The following RBL1 variants were observed in gnomAD, a reference collection of about 807,000 sequenced individuals.
RBL1 encodes the protein RB transcriptional corepressor like 1, also known as retinoblastoma-like protein 1.
Under a neutral mutation model 123.0 loss-of-function variants are expected in RBL1, and 82 were observed. The ratio of observed to expected loss-of-function variants is 0.67; its 90% confidence interval spans 0.56 to 0.80. The LOEUF (loss-of-function observed/expected upper bound fraction) is 0.80. Ranked by LOEUF, RBL1 falls within the 30% of genes least tolerant of loss-of-function variation. RBL1 has a pLI of 0.00. For synonymous variants in RBL1, 405 were observed against 441.3 expected, an observed-to-expected ratio of 0.92 and a Z score of 1.03; for missense variants, 1,171 against 1,299.6, an observed-to-expected ratio of 0.90 and a Z score of 1.52.
At chr20:37,078,182 C>T (rs1039737891) in intron 2 of RBL1, among the ~76,000 whole-genome samples, 3 of 152,128 alleles carry the variant, frequency 2.0e-5, no homozygotes, top group Admixed American at 6.6e-5. Context: ...ATCCATTAGT[C>T]CCATTACTGA....
intron 11 of RBL1, among the ~76,000 whole-genome samples, chr20:37,053,577 T>C (rs1198579425): frequency 6.6e-6 from 1 of 152,208 alleles, no homozygotes; most frequent in Non-Finnish European, 1.5e-5. Flanking sequence ...TTTATTACTT[T>C]CTCTTATTTA....
chr20:37,055,067 C>T (rs7348492), intron 11 of RBL1, among the ~76,000 whole-genome samples: 2 of 151,898 alleles, frequency 1.3e-5, no homozygotes, highest in Admixed American at 1.3e-4. Context: ...AGAGTGACTG[C>T]AGAGGGAAAT....
chr20:37,036,475 G>A (rs1056583327), intron 14 of RBL1, among the ~76,000 whole-genome samples: 4 of 151,370 alleles, frequency 2.6e-5, no homozygotes, highest in African/African-American at 9.7e-5. Flanking sequence ...ACAGGGTTTT[G>A]CCATGTTGGC....
rs75547039 is a variant in RBL1 at position 37,068,640 on chromosome 20, G to C, written c.291-454C>G. Among the ~76,000 whole-genome samples, 486 of 152,194 alleles carry C rather than the reference G, an allele frequency of 3.2e-3. 6 individuals carry two copies. Among genetic ancestry groups the C allele is most frequent in the African/African-American group, 0.011 (473 of 41,520 alleles). On this transcript the variant is annotated intron_variant, in intron 2 of 21. Transcript: ENST00000373664. ...TAGAGTTTACTGCTATGGAGGGAGCGAGAGCACCTATCTACTTCCTTTATT... is the reference window on the plus strand; with the variant it reads ...TAGAGTTTACTGCTATGGAGGGAGCCAGAGCACCTATCTACTTCCTTTATT...
At chr20:37,026,754 C>T (rs553091097) in intron 16 of RBL1, among the ~76,000 whole-genome samples, 5 of 149,634 alleles carry the variant, frequency 3.3e-5, no homozygotes, top group South Asian at 2.1e-4. Context: ...ACCTGTAATA[C>T]TAGTACTTTG....
intron 11 of RBL1, among the ~76,000 whole-genome samples, chr20:37,048,246 T>A (rs868775452): frequency 6.6e-6 from 1 of 152,102 alleles, no homozygotes; most frequent in Non-Finnish European, 1.5e-5. Context: ...GGGTGAAGCA[T>A]TGGGTGGGTG....
Position 36,998,809 on chromosome 20 carries a change from C to T in RBL1, c.3157G>A (p.Val1053Ile), listed in dbSNP as rs142591640. The T allele has an allele frequency of 9.4e-5, 152 of 1,613,384 alleles. No homozygotes were observed. The highest frequency in any genetic ancestry group is 1.3e-4 in the Non-Finnish European group (149 of 1,179,640). ...ACATCCTGTAGTCGTTTCAGTAAAA[C>T]GTCATCATTTTCTTGACAGACGCGT... ...AKRVCQENDD[V>I]LLKRLQDVVS... Residue 1053 changes from valine (V) to isoleucine (I), a missense_variant, in exon 22 of 22, where the codon GTT (valine) becomes ATT (isoleucine). Val to Ile is a conservative substitution (Grantham distance 29). Coordinates refer to ENST00000373664, the MANE Select transcript of RBL1 (RefSeq NM_002895.5).
In RBL1 at chr20:36,997,445, T is replaced by C. The variant is rs1299997533; in HGVS notation, c.*1314A>G. 1 of 152,100 alleles carries C rather than the reference T, an allele frequency of 6.6e-6. No homozygotes were observed. Among genetic ancestry groups the C allele is most frequent in the African/African-American group, 2.4e-5 (1 of 41,434 alleles). The allele number at this position is 152,100 out of a possible 1,614,324, so 9.4% of individuals were successfully genotyped here. A position where few individuals can be genotyped will look rare whatever the true frequency, so the allele number is the denominator to read the frequency against. ...CAGGAAACTCATGATGCACTAACAA[T>C]ACTGAGAACAAAGTGTGGGAAGTAA... On this transcript the variant is annotated 3_prime_UTR_variant, in exon 22 of 22. Coordinates refer to ENST00000373664, the MANE Select transcript of RBL1 (RefSeq NM_002895.5).
Position 37,056,258 on chromosome 20 carries a change from T to C in RBL1, c.1251A>G (p.Glu417=), listed in dbSNP as rs1264322778. 1.3e-6 allele frequency: 2 copies of C among 1,571,174 alleles called. No homozygotes were observed. The highest frequency in any genetic ancestry group is 1.4e-5 in the African/African-American group (1 of 72,910). Residue 417 remains glutamate, a splice_region_variant and synonymous_variant, in exon 10 of 22, where the codon GAA becomes GAG. Coordinates refer to ENST00000373664, the MANE Select transcript of RBL1 (RefSeq NM_002895.5). The part of the protein sequence containing the change: ...APSDQLINIF[E]SCVRNPVENI... ...TTTCCACAGGATTACGCACACAAGA[T>C]CTACAAAATACAAGAGGAACCAATT...
chr20:37,059,593 T>G (rs961318947), intron 9 of RBL1, among the ~76,000 whole-genome samples: 3 of 152,180 alleles, frequency 2.0e-5, no homozygotes, highest in Non-Finnish European at 4.4e-5. Context: ...ATCTGAAGTA[T>G]TGATGAGAAT....
At position 37,013,253 on chromosome 20, in the gene RBL1, A is replaced by C. The variant is rs530538330; in HGVS notation, c.2722+5026T>G. On this transcript the variant is annotated intron_variant, in intron 19 of 21. Transcript: ENST00000373664. ...ATTTTGTTCTGTACTAAGAAAAATT[A>C]TTCTGCCTTGGGATCCTGTTGATCT... 3.2e-3 allele frequency among the ~76,000 whole-genome samples: 481 copies of C among 152,174 alleles called. 3 individuals are homozygous for C. The highest frequency in any genetic ancestry group is 3.9e-3 in the South Asian group (19 of 4,820).
intron 1 of RBL1, among the ~76,000 whole-genome samples, chr20:37,093,046 A>G (rs1024573866): frequency 6.6e-6 from 1 of 152,150 alleles, no homozygotes; most frequent in Non-Finnish European, 1.5e-5. Flanking sequence ...TATACAAGCT[A>G]TAAGAAGAAC....
At chr20:37,066,500 C>A (rs1236176526) in intron 6 of RBL1, among the ~76,000 whole-genome samples, 1 of 152,192 alleles carries the variant, frequency 6.6e-6, no homozygotes, top group Non-Finnish European at 1.5e-5. Context: ...TTGCCTCTGA[C>A]AGTACATTTA....
intron 13 of RBL1, among the ~76,000 whole-genome samples, chr20:37,041,699 AGT>A (rs906995745): frequency 6.6e-6 from 1 of 152,212 alleles, no homozygotes; most frequent in Non-Finnish European, 1.5e-5. Flanking sequence ...AAAATTTTTA[AGT>A]AAGTTTAATG....
At chr20:37,084,123 C>G (rs2065502629) in intron 2 of RBL1, among the ~76,000 whole-genome samples, 1 of 151,864 alleles carries the variant, frequency 6.6e-6, no homozygotes, top group African/African-American at 2.4e-5. Flanking sequence ...TGGTCTTGAA[C>G]TCTTGGGTTC....
intron 1 of RBL1, 70 bp downstream of exon 1, chr20:37,095,703 G>A (rs1600628211): frequency 7.1e-7 from 1 of 1,406,378 alleles, no homozygotes; most frequent in East Asian, 2.5e-5. Flanking sequence ...CCCATAGGCC[G>A]AGGAAGGGGC....
At chr20:37,066,920 A>G (rs1179956515) in intron 5 of RBL1, 36 bp from the exon 6 acceptor site, 1 of 1,598,746 alleles carries the variant, frequency 6.3e-7, no homozygotes, top group Non-Finnish European at 8.5e-7. Context: ...GAGGGAAAAA[A>G]AAATAGTCAA....
chr20:37,026,933 C>T (rs1427065617), intron 16 of RBL1, among the ~76,000 whole-genome samples: 1 of 149,124 alleles, frequency 6.7e-6, no homozygotes, highest in Non-Finnish European at 1.5e-5. Flanking sequence ...ACTAGGGAGT[C>T]AGAGGTTGCA....
In RBL1 at chr20:37,055,609, T is replaced by C. The variant is rs201131144; in HGVS notation, c.1411A>G (p.Ile471Val). ...TCCTGAACCATTACAGTCTCTAGTA[T>C]TTTATAATACAAAATTTCTGCCAGC... ...LKLAEILYYK[I>V]LETVMVQETR... The change falls in exon 11 of 22, where the codon ATA becomes GTA. Residue 471 changes from isoleucine (I) to valine (V), a missense_variant. Transcript: ENST00000373664. 3 of 1,613,930 alleles carry C rather than the reference T, an allele frequency of 1.9e-6. No individual in the cohort carries two copies. The highest frequency in any genetic ancestry group is 2.5e-6 in the Non-Finnish European group (3 of 1,179,982).
Sources: allele counts gnomAD v4.1 joint callset (sites outside exome capture counted in the v4.1 genomes callset), GRCh38; gene constraint gnomAD v4.1.1; transcripts MANE v1.5; gene names NCBI Gene and HGNC (gene_info 2026-07-23, HGNC 2026-07-21).